Variants in NID2 observed in about 807,000 individuals in gnomAD.
NID2 encodes the protein nidogen 2, also known as nidogen-2.
A neutral mutation model predicts 145.4 loss-of-function variants in NID2; 83 were observed. The observed-to-expected ratio is 0.57, with a 90% CI of 0.48 to 0.69. The LOEUF is 0.69. Ranked by LOEUF, NID2 falls within the 30% of genes least tolerant of loss-of-function variation. The pLI is 0.00. For missense variants in NID2, 1,807 were observed against 1,765.7 expected, an observed-to-expected ratio of 1.02 and a Z score of -0.42; for synonymous variants, 739 against 701.3, an observed-to-expected ratio of 1.05 and a Z score of -0.85.
chr14:52,045,571 A>C (rs1041745811), intron 5 of NID2, among the ~76,000 whole-genome samples: 1 of 151,916 alleles, frequency 6.6e-6, no homozygotes, highest in Non-Finnish European at 1.5e-5. Context: ...AAAAAAAAAA[A>C]CCCAGGATGG....
At chr14:52,032,439 G>A (rs904363598) in intron 9 of NID2, among the ~76,000 whole-genome samples, 18 of 152,162 alleles carry the variant, frequency 1.2e-4, no homozygotes, top group African/African-American at 4.3e-4. Context: ...TGGCTGACAG[G>A]AAAGAGGCAC....
chr14:52,040,909 C>T (rs541953873), intron 7 of NID2, 58 bp from the exon 8 acceptor site: 2 of 1,491,498 alleles, frequency 1.3e-6, no homozygotes, highest in South Asian at 2.3e-5. Context: ...AAACAGTTAC[C>T]AGTATATACT....
chr14:52,007,770 G>GA (rs755963051), intron 19 of NID2, 40 bp downstream of exon 19: 1 of 1,548,674 alleles, frequency 6.5e-7, no homozygotes, highest in African/African-American at 1.4e-5. Context: ...CATTCACTGT[G>GA]ATGAGAGGTT....
intron 2 of NID2, among the ~76,000 whole-genome samples, chr14:52,061,044 T>A (rs1893008058): frequency 6.6e-6 from 1 of 152,188 alleles, no homozygotes; most frequent in Non-Finnish European, 1.5e-5. Flanking sequence ...TAGGACACCC[T>A]AACCCCTCCT....
Position 52,042,221 on chromosome 14 carries a change from C to T in NID2, c.1709G>A (p.Ser570Asn). The T allele has an allele frequency of 6.2e-7, 1 of 1,614,238 alleles. No homozygotes were observed. ...CTGGGCTGCTGGCTGTGGGATGTGG[C>T]TGATGGCCGTGTAGGCTCTGCCATC... The part of the protein sequence containing the change: ...GNDGRAYTAI[S>N]HIPQPAAQAL... The change falls in exon 7 of 22, where the codon AGC becomes AAC. Residue 570 changes from serine (S) to asparagine (N), a missense_variant. By Grantham distance (46) the Ser-to-Asn change is conservative. Transcript: ENST00000216286.
Position 52,028,764 on chromosome 14 carries a change from G to A in NID2, c.2488C>T (p.Arg830Trp), listed in dbSNP as rs756601411. 68 of 1,613,808 alleles carry A rather than the reference G, an allele frequency of 4.2e-5. No individual in the cohort carries two copies. The highest frequency in any genetic ancestry group is 5.4e-5 in the Non-Finnish European group (64 of 1,179,922). ...NLPGSYRCEC[R>W]SGYEFADDRH... ...TCATCTGCAAACTCATAACCACTCC[G>A]GCACTCACACCTGTAGCTTCCAGGC... The change falls in exon 11 of 22, where the codon CGG becomes TGG. Residue 830 changes from arginine to tryptophan, a missense_variant. By Grantham distance (101) the Arg-to-Trp change is moderately radical. Transcript: ENST00000216286.
intron 8 of NID2, 152 bp from the exon 9 acceptor site, chr14:52,039,129 C>T: frequency 3.2e-6 from 2 of 621,752 alleles, no homozygotes; most frequent in Non-Finnish European, 5.5e-6. Flanking sequence ...TAAGGAAATC[C>T]CAAAAACCTG....
rs757775131 is a variant in NID2 at position 52,038,952 on chromosome 14, G to A, written c.2052C>T (p.Asp684=). The change falls in exon 9 of 22, where the codon GAC becomes GAT. Residue 684 remains aspartate (D), a synonymous_variant. Transcript: ENST00000216286. ...DSTVTSTSSR[D]YSLTFGAINQ... is the part of the protein sequence containing the mutation. ...TGATTGCACCAAAAGTCAGAGAGTA[G>A]TCTCTGGAACTTGTAGAGGTCACAG... The A allele has an allele frequency of 6.2e-7, 1 of 1,613,106 alleles. No homozygotes were observed. The highest frequency in any genetic ancestry group is 8.5e-7 in the Non-Finnish European group (1 of 1,179,368).
In NID2 at chr14:52,005,840, A is replaced by G. The variant is rs746379744; in HGVS notation, c.4014T>C (p.Val1338=). The change falls in exon 21 of 22, where the codon GTT becomes GTC. Residue 1338 remains valine, a synonymous_variant. Transcript: ENST00000216286. ...FYHTDWRRDG[V]VSVNKHSGQF... ...GGCCACTATGTTTATTTACTGATACAACACCATCCCTGGTAACAGAAAGGA... is the reference window on the plus strand; with the variant it reads ...GGCCACTATGTTTATTTACTGATACGACACCATCCCTGGTAACAGAAAGGA... 1.2e-6 allele frequency: 2 copies of G among 1,607,802 alleles called. No homozygotes were observed. The highest frequency in any genetic ancestry group is 1.7e-5 in the Admixed American group (1 of 60,000).
intron 8 of NID2, 106 bp from the exon 9 acceptor site, chr14:52,039,083 C>G: frequency 1.2e-6 from 1 of 811,672 alleles, no homozygotes; most frequent in Non-Finnish European, 1.9e-6. Context: ...GAGTGTGTTC[C>G]CTTGGGAACC....
chr14:52,008,615 A>G (rs1005486596), intron 18 of NID2: 1 of 152,234 alleles, frequency 6.6e-6, no homozygotes. Flanking sequence ...AGAAGTCATT[A>G]CTAAGTTACT....
intron 5 of NID2, among the ~76,000 whole-genome samples, chr14:52,048,388 C>T (rs1054363482): frequency 3.3e-5 from 5 of 152,158 alleles, no homozygotes; most frequent in African/African-American, 7.2e-5. Context: ...CTCCGGCCAA[C>T]GTGACTGCTC....
chr14:52,022,447 T>G (rs940645354), intron 12 of NID2, among the ~76,000 whole-genome samples: 1 of 152,162 alleles, frequency 6.6e-6, no homozygotes, highest in Non-Finnish European at 1.5e-5. Context: ...GACCTGGGCA[T>G]GCACAGGACA....
At chr14:52,036,580 A>G (rs1892080241) in intron 9 of NID2, among the ~76,000 whole-genome samples, 1 of 152,308 alleles carries the variant, frequency 6.6e-6, no homozygotes, top group Non-Finnish European at 1.5e-5. Context: ...AGAAACCACT[A>G]TTTTGTTTTT....
At position 52,005,825 on chromosome 14, in the gene NID2, T is replaced by A; in HGVS notation, c.4029A>T (p.Lys1343Asn). 6.2e-7 allele frequency: 1 copy of A among 1,612,772 alleles called. No individual in the cohort carries two copies. The highest frequency in any genetic ancestry group is 8.5e-7 in the Non-Finnish European group (1 of 1,178,770). The part of the protein sequence containing the change: ...WRRDGVVSVN[K>N]HSGQFTDEYL... Reference sequence around the variant, plus strand: ...ACTCATCAGTAAACTGGCCACTATGTTTATTTACTGATACAACACCATCCC... The same window carrying A: ...ACTCATCAGTAAACTGGCCACTATGATTATTTACTGATACAACACCATCCC... The change falls in exon 21 of 22, where the codon AAA becomes AAT. Residue 1343 changes from lysine (K) to asparagine (N), a missense_variant. Lys to Asn is a moderately conservative substitution (Grantham distance 94). Coordinates refer to ENST00000216286, the MANE Select transcript of NID2 (RefSeq NM_007361.4).
In NID2 at chr14:52,014,472, TG is replaced by T; in HGVS notation, c.3251-17del. The T allele has an allele frequency of 6.3e-7, 1 of 1,592,588 alleles. No homozygotes were observed. The highest frequency in any genetic ancestry group is 1.1e-5 in the South Asian group (1 of 89,354). ...GTGGGTATACCTGTGGGAGAGAGGG[TG>T]GGAGAGCAGGAAGGGGAACAAGGGC... On this transcript the variant is annotated splice_polypyrimidine_tract_variant and intron_variant, in intron 15 of 21. Transcript: ENST00000216286.
rs535564581 is a variant in NID2 at position 52,030,516 on chromosome 14, A to AAAAG, written c.2258-830_2258-827dup. ...AAGAAAGAAAGAGAAAGAAAGAAAGAAAAGAAAGAAAGAAAGAAAGAAAGA... is the reference window on the plus strand; with the variant it reads ...AAGAAAGAAAGAGAAAGAAAGAAAGAAAAGAAAGAAAGAAAGAAAGAAAGAAAGA... On this transcript the variant is annotated intron_variant, in intron 9 of 21. Transcript: ENST00000216286. Among the ~76,000 whole-genome samples, 164 of 63,084 alleles carry AAAAG rather than the reference A, an allele frequency of 2.6e-3. 3 individuals carry two copies. Among genetic ancestry groups the AAAAG allele is most frequent in the African/African-American group, 8.1e-3 (149 of 18,420 alleles). 41.4% of individuals were successfully genotyped at this position (63,084 alleles called of 152,430 possible).
intron 9 of NID2, 38 bp downstream of exon 9, chr14:52,038,709 A>T (rs1013602792): frequency 2.7e-6 from 4 of 1,460,642 alleles, no homozygotes; most frequent in African/African-American, 1.4e-5. Flanking sequence ...ACTTAAAAGG[A>T]TGTCATTTTT....
intron 13 of NID2, 111 bp from the exon 14 acceptor site, chr14:52,019,405 C>T (rs17124896): frequency 5.8e-5 from 44 of 759,382 alleles, no homozygotes; most frequent in African/African-American, 3.2e-4. Context: ...TTTTGGAGCC[C>T]GAGATTCTTA....
Sources: gnomAD v4.1 joint callset for allele counts (sites outside exome capture counted in the v4.1 genomes callset) on GRCh38, gnomAD v4.1.1 for gene constraint, MANE v1.5 for transcripts, NCBI Gene and HGNC (gene_info 2026-07-23, HGNC 2026-07-21) for gene names.